Variants in PTPRZ1 observed in about 807,000 individuals in gnomAD.
PTPRZ1 encodes receptor-type tyrosine-protein phosphatase zeta.
A neutral mutation model predicts 214.1 loss-of-function variants in PTPRZ1; 82 were observed. The ratio of observed to expected loss-of-function variants is 0.38; its 90% confidence interval spans 0.32 to 0.46. The LOEUF (loss-of-function observed/expected upper bound fraction) is 0.46, where lower values mean the gene tolerates loss of function less well. Ranked by LOEUF, PTPRZ1 falls within the 20% of genes least tolerant of loss-of-function variation. The probability of loss-of-function intolerance (pLI) is 1.00; values close to 1 mark genes in which losing one functional copy is unlikely to be tolerated. For synonymous variants in PTPRZ1, 945 were observed against 987.9 expected (o/e 0.96, Z 0.81); for missense variants, 2,603 against 2,748.7 (o/e 0.95, Z 1.19).
chr7:122,031,781 C>T (rs1298088947), intron 15 of PTPRZ1: 2 of 276,770 alleles, frequency 7.2e-6, no homozygotes, highest in African/African-American at 2.2e-5. Flanking sequence ...CTGGTGGAAA[C>T]ATAAAAAACA....
At chr7:122,051,754 G>A (rs1385892389) in intron 24 of PTPRZ1, 112 bp from the exon 25 acceptor site, 31 of 1,020,048 alleles carry the variant, frequency 3.0e-5, no homozygotes, top group Non-Finnish European at 4.4e-5. Context: ...CTTGAAAAAT[G>A]TAGCTATATT....
chr7:121,932,734 G>A (rs1795962036), intron 2 of PTPRZ1, among the ~76,000 whole-genome samples: 1 of 152,032 alleles, frequency 6.6e-6, no homozygotes, highest in African/African-American at 2.4e-5. Context: ...AATCACTTGA[G>A]CTAAAGTAAT....
intron 10 of PTPRZ1, among the ~76,000 whole-genome samples, chr7:122,002,626 G>A (rs1451157893): frequency 1.3e-5 from 2 of 152,132 alleles, no homozygotes; most frequent in Non-Finnish European, 2.9e-5. Flanking sequence ...AATCCTCAAT[G>A]TGATAGTTAT....
rs10640393 is a variant in PTPRZ1, at chr7:121,874,039, G to GACACACACAC, written c.58+499_58+508dup. 2.0e-3 allele frequency among the ~76,000 whole-genome samples: 296 copies of GACACACACAC among 147,928 alleles called. 1 individual carries two copies. The highest frequency in any genetic ancestry group is 5.8e-3 in the African/African-American group (230 of 39,938). On this transcript the variant is annotated intron_variant, in intron 1 of 29. Coordinates refer to ENST00000393386, the MANE Select transcript of PTPRZ1 (RefSeq NM_002851.3). ...GTACACGTGTCTGGTGTGAATTGCA[G>GACACACACAC]ACACACACACACACACACACACACA...
chr7:122,052,014 CA>C, intron 25 of PTPRZ1, 75 bp downstream of exon 25: 1 of 1,201,382 alleles, frequency 8.3e-7, no homozygotes, highest in African/African-American at 1.6e-5. Flanking sequence ...CTGCCAGAAG[CA>C]AAGACTACAG....
intron 18 of PTPRZ1, 51 bp from the exon 19 acceptor site, chr7:122,038,704 A>C: frequency 6.3e-7 from 1 of 1,576,582 alleles, no homozygotes; most frequent in Non-Finnish European, 8.7e-7. Context: ...GTACAGTTAA[A>C]GATGACATAT....
intron 2 of PTPRZ1, among the ~76,000 whole-genome samples, chr7:121,941,730 A>C (rs1173353895): frequency 6.6e-6 from 1 of 151,994 alleles, no homozygotes; most frequent in African/African-American, 2.4e-5. Flanking sequence ...TGGTCCTTTT[A>C]TGTATCTGAG....
Position 122,012,345 on chromosome 7 carries a change from C to T in PTPRZ1, c.3299C>T (p.Pro1100Leu). ...ATTTCTAGCACCAAGGGCATGTTTC[C>T]AGGGTCCCTTGCTCATACCACCACT... Reference protein sequence around the residue: ...VSISSTKGMFPGSLAHTTTKV... With the variant: ...VSISSTKGMFLGSLAHTTTKV... Residue 1100 changes from proline (P) to leucine (L), a missense_variant, in exon 12 of 30, where the codon CCA becomes CTA. Coordinates refer to ENST00000393386, the MANE Select transcript of PTPRZ1 (RefSeq NM_002851.3). 2 of 1,613,870 alleles carry T rather than the reference C, an allele frequency of 1.2e-6. No homozygotes were observed. The highest frequency in any genetic ancestry group is 1.7e-6 in the Non-Finnish European group (2 of 1,179,880).
intron 1 of PTPRZ1, among the ~76,000 whole-genome samples, chr7:121,916,488 T>G (rs1795432179): frequency 6.6e-6 from 1 of 152,184 alleles, no homozygotes; most frequent in African/African-American, 2.4e-5. Flanking sequence ...AACATGTTTG[T>G]TCCAAATGAG....
intron 2 of PTPRZ1, among the ~76,000 whole-genome samples, chr7:121,949,228 C>T (rs560661909): frequency 1.1e-4 from 17 of 152,178 alleles, no homozygotes; most frequent in African/African-American, 3.6e-4. Context: ...ATTAGCCTCC[C>T]CAAAGGAGAC....
intron 2 of PTPRZ1, among the ~76,000 whole-genome samples, chr7:121,952,460 C>T (rs1796583382): frequency 6.6e-6 from 1 of 152,160 alleles, no homozygotes; most frequent in South Asian, 2.1e-4. Context: ...GTGGCACATG[C>T]CTGTAGTCTC....
At chr7:121,893,351 G>T (rs1335567454) in intron 1 of PTPRZ1, among the ~76,000 whole-genome samples, 3 of 152,186 alleles carry the variant, frequency 2.0e-5, no homozygotes, top group African/African-American at 7.2e-5. Context: ...TACAAAGTCA[G>T]TCAAGATGGT....
chr7:121,900,652 T>A (rs1390803402), intron 1 of PTPRZ1, among the ~76,000 whole-genome samples: 1 of 152,218 alleles, frequency 6.6e-6, no homozygotes. Flanking sequence ...TAAGTCATGC[T>A]GCCCAATTTA....
chr7:122,014,455 T>C (rs1373825237), intron 12 of PTPRZ1, among the ~76,000 whole-genome samples: 1 of 151,872 alleles, frequency 6.6e-6, no homozygotes, highest in Admixed American at 6.5e-5. Flanking sequence ...TTAATTAATT[T>C]TGAGACGGAG....
intron 11 of PTPRZ1, 81 bp downstream of exon 11, chr7:122,004,741 C>A: frequency 1.3e-6 from 1 of 784,012 alleles, no homozygotes; most frequent in Non-Finnish European, 2.1e-6. Context: ...TAGGTATTGC[C>A]ACATGAATAG....
intron 10 of PTPRZ1, among the ~76,000 whole-genome samples, chr7:122,003,070 T>C (rs978119513): frequency 6.6e-6 from 1 of 152,156 alleles, no homozygotes; most frequent in Non-Finnish European, 1.5e-5. Flanking sequence ...ATGTATTAAT[T>C]TGCATGGCGA....
At chr7:122,044,012 A>G (rs886216389) in intron 22 of PTPRZ1, among the ~76,000 whole-genome samples, 14 of 152,222 alleles carry the variant, frequency 9.2e-5, no homozygotes, top group South Asian at 2.1e-4. Context: ...AAATTGAGTT[A>G]AATTGTATAT....
chr7:122,030,003 C>T (rs1584759072), intron 14 of PTPRZ1, among the ~76,000 whole-genome samples: 1 of 151,926 alleles, frequency 6.6e-6, no homozygotes, highest in African/African-American at 2.4e-5. Flanking sequence ...CCTTCACTTC[C>T]AAACATGTCT....
At chr7:121,894,495 T>C (rs1463221554) in intron 1 of PTPRZ1, among the ~76,000 whole-genome samples, 1 of 152,090 alleles carries the variant, frequency 6.6e-6, no homozygotes, top group African/African-American at 2.4e-5. Context: ...AACCTCCACC[T>C]CCCGGGCTCA....
Sources: allele counts gnomAD v4.1 joint callset (sites outside exome capture counted in the v4.1 genomes callset), GRCh38; gene constraint gnomAD v4.1.1; transcripts MANE v1.5; gene names NCBI Gene and HGNC (gene_info 2026-07-23, HGNC 2026-07-21).